MTMR1: variants seen among roughly 807,000 people sequenced by gnomAD.
The protein encoded by MTMR1 is phosphatidylinositol-3-phosphate phosphatase MTMR1.
Under a neutral mutation model 51.6 loss-of-function variants are expected in MTMR1, and 17 were observed. The observed-to-expected ratio is 0.33, with a 90% CI of 0.23 to 0.49. MTMR1 has a LOEUF of 0.49. MTMR1 is among the 20% of genes least tolerant of loss of function. MTMR1 has a pLI of 0.99. For missense variants in MTMR1, 386 were observed against 526.9 expected, an observed-to-expected ratio of 0.73 and a Z score of 2.62; for synonymous variants, 201 against 205.6, an observed-to-expected ratio of 0.98 and a Z score of 0.19.
intron 14 of MTMR1, among the ~76,000 whole-genome samples, chrX:150,755,034 A>T (rs1390339373): frequency 9.2e-6 from 1 of 108,269 alleles, no homozygotes; most frequent in Non-Finnish European, 1.9e-5. Flanking sequence ...TCAAAAAAAA[A>T]AAAAAAAAAA....
intron 14 of MTMR1, among the ~76,000 whole-genome samples, chrX:150,751,910 C>CTTTTTTTTT (rs35937277): frequency 2.6e-4 from 11 of 41,577 alleles, no homozygotes; most frequent in East Asian, 9.9e-4. Context: ...CTTTTTCTTT[C>CTTTTTTTTT]TTTTTTTTTT....
At chrX:150,743,837 C>T (rs1569565739) in intron 12 of MTMR1, among the ~76,000 whole-genome samples, 1 of 112,592 alleles carries the variant, frequency 8.9e-6, no homozygotes, top group East Asian at 2.8e-4. Context: ...TAAGCAAGGA[C>T]CCCACCTTTA....
chrX:150,698,467 A>G (rs891141897), intron 1 of MTMR1, among the ~76,000 whole-genome samples: 2 of 110,823 alleles, frequency 1.8e-5, no homozygotes, highest in African/African-American at 6.6e-5. Context: ...AAAGTACACT[A>G]TTTTCTAGAT....
upstream of MTMR1, chrX:150,693,321 C>T: frequency 5.8e-6 from 2 of 343,818 alleles, no homozygotes; most frequent in Non-Finnish European, 7.6e-6. Context: ...GCCCCGCGCG[C>T]CGCCCTCCCC....
rs781787921 is a variant in MTMR1, at chrX:150,755,737, C to T, written c.1729C>T (p.Leu577=). ...ISLWSYINSQ[L]DEFSNPFFVN... is the part of the protein sequence containing the mutation. ...TTTATGGTCGTATATCAATAGCCAG[C>T]TAGACGAGTTTTCTAATCCCTTCTT... Residue 577 remains leucine (L), a synonymous_variant, in exon 15 of 16, where the codon CTA becomes TTA. Coordinates refer to ENST00000445323, the MANE Select transcript of MTMR1 (RefSeq NM_001306144.3). The T allele has an allele frequency of 8.3e-7, 1 of 1,205,893 alleles. No homozygotes were observed.
chrX:150,736,725 A>G lies in MTMR1; in HGVS notation c.1211A>G (p.Asp404Gly). 1 of 1,211,468 alleles carries G rather than the reference A, an allele frequency of 8.3e-7. No individual in the cohort carries two copies. Among genetic ancestry groups the G allele is most frequent in the African/African-American group, 1.7e-5 (1 of 57,834 alleles). ...KLKEIVYPSI[D>G]EARWLSNVDG... is the part of the protein sequence containing the mutation. ...AAAGAGATTGTGTACCCTTCGATCG[A>G]TGAGGCGCGGTGGCTCTCCAATGTG... The change falls in exon 11 of 16, where the codon GAT becomes GGT. Residue 404 changes from aspartate to glycine, a missense_variant. Asp to Gly is a moderately conservative substitution (Grantham distance 94). Coordinates refer to ENST00000445323, the MANE Select transcript of MTMR1 (RefSeq NM_001306144.3).
intron 1 of MTMR1, among the ~76,000 whole-genome samples, chrX:150,694,624 T>C (rs1194793359): frequency 8.9e-6 from 1 of 112,466 alleles, no homozygotes; most frequent in Non-Finnish European, 1.9e-5. Flanking sequence ...CCTTCACTTT[T>C]GTTTCTACCT....
At chrX:150,732,025 A>C (rs1386853515) in intron 9 of MTMR1, among the ~76,000 whole-genome samples, 1 of 111,792 alleles carries the variant, frequency 8.9e-6, no homozygotes, top group African/African-American at 3.3e-5. Context: ...TTACAGAAGT[A>C]GTAGCAGACA....
intron 12 of MTMR1, among the ~76,000 whole-genome samples, chrX:150,742,521 A>T (rs1234175535): frequency 2.7e-5 from 3 of 111,577 alleles, no homozygotes; most frequent in Non-Finnish European, 5.7e-5. Flanking sequence ...TGAACCTTGA[A>T]AACATGCTCA....
At chrX:150,710,561 A>T (rs222399) in intron 2 of MTMR1, among the ~76,000 whole-genome samples, 1 of 109,829 alleles carries the variant, frequency 9.1e-6, no homozygotes, top group Non-Finnish European at 1.9e-5. Context: ...GGGTTTCACC[A>T]TGTTGGTCAG....
intron 2 of MTMR1, among the ~76,000 whole-genome samples, chrX:150,712,005 G>C (rs1477337882): frequency 9.1e-6 from 1 of 110,417 alleles, no homozygotes; most frequent in Non-Finnish European, 1.9e-5. Flanking sequence ...TATTCCAAAT[G>C]GAAACTAATG....
At chrX:150,693,320 G>A (rs1339199625), upstream of MTMR1, 8 of 337,407 alleles carry the variant, frequency 2.4e-5, no homozygotes, top group South Asian at 4.4e-4. Context: ...GGCCCCGCGC[G>A]CCGCCCTCCC....
At chrX:150,713,708 T>C (rs1557416297) in intron 3 of MTMR1, among the ~76,000 whole-genome samples, 2 of 111,770 alleles carry the variant, frequency 1.8e-5, no homozygotes, top group African/African-American at 6.5e-5. Flanking sequence ...TTTTTAAAGT[T>C]TCAAAAAATA....
In MTMR1 at chrX:150,727,700, T is replaced by A; in HGVS notation, c.464T>A (p.Leu155His). The change falls in exon 6 of 16, where the codon CTT becomes CAT. Residue 155 changes from leucine to histidine, a missense_variant. Transcript: ENST00000445323. ...KNVERDPHFI[L>H]DVPLGVISRV... ...TGAACCTAGGACCCGCATTTTATCC[T>A]TGATGTTCCCCTTGGAGTGATCAGC... The A allele has an allele frequency of 8.3e-7, 1 of 1,210,094 alleles. No homozygotes were observed. The highest frequency in any genetic ancestry group is 1.1e-6 in the Non-Finnish European group (1 of 894,209).
chrX:150,732,497 C>T (rs782787987), intron 9 of MTMR1, 45 bp from the exon 10 acceptor site: 7 of 1,087,335 alleles, frequency 6.4e-6, no homozygotes, highest in Non-Finnish European at 8.7e-6. Flanking sequence ...TTAGAGCATA[C>T]ATTCTTTAGG....
At chrX:150,761,065 G>A (rs782184273) in intron 15 of MTMR1, among the ~76,000 whole-genome samples, 23 of 111,711 alleles carry the variant, frequency 2.1e-4, no homozygotes, top group African/African-American at 5.9e-4. Context: ...ATTTCCCTGC[G>A]TGTCTTGCTT....
chrX:150,726,192 T>C (rs188269427), intron 4 of MTMR1, among the ~76,000 whole-genome samples: 1 of 111,408 alleles, frequency 9.0e-6, no homozygotes, highest in East Asian at 2.8e-4. Context: ...TGAACCCTGT[T>C]GTGAATTGCG....
Position 150,718,612 on chromosome X carries a change from T to TCCAGGC in MTMR1, c.277-13_277-12insCCAGGC. On this transcript the variant is annotated splice_polypyrimidine_tract_variant and intron_variant, in intron 3 of 15. Coordinates refer to ENST00000445323, the MANE Select transcript of MTMR1 (RefSeq NM_001306144.3). Reference sequence around the variant, plus strand: ...TTTTTTTTTTTTTTTTTTTTTTTTTTTTTTTTTGCCAGGCTCTAAGGGATG... The same window carrying TCCAGGC: ...TTTTTTTTTTTTTTTTTTTTTTTTTTCCAGGCTTTTTTTGCCAGGCTCTAAGGGATG... The TCCAGGC allele has an allele frequency of 3.2e-6, 2 of 618,148 alleles. No individual in the cohort carries two copies. The highest frequency in any genetic ancestry group is 4.4e-6 in the Non-Finnish European group (2 of 453,763). 50.9% of individuals were successfully genotyped at this position (618,148 alleles called of 1,213,427 possible). A position where few individuals can be genotyped will look rare whatever the true frequency, so the allele number is the denominator to read the frequency against.
At chrX:150,695,839 A>C (rs2040652918) in intron 1 of MTMR1, among the ~76,000 whole-genome samples, 1 of 110,990 alleles carries the variant, frequency 9.0e-6, no homozygotes, top group African/African-American at 3.3e-5. Context: ...GGAGGTCTGG[A>C]AAAGGGAATT....
Sources: allele counts gnomAD v4.1 joint callset (sites outside exome capture counted in the v4.1 genomes callset), GRCh38; gene constraint gnomAD v4.1.1; transcripts MANE v1.5; gene names NCBI Gene and HGNC (gene_info 2026-07-23, HGNC 2026-07-21).